The following ADCY9 variants were observed in gnomAD, a reference collection of about 807,000 sequenced individuals.
ADCY9 encodes the protein adenylate cyclase type 9.
A neutral mutation model predicts 101.5 loss-of-function variants in ADCY9; 50 were observed. That is an observed-to-expected ratio of 0.49 (90% CI 0.39 to 0.62). The LOEUF (loss-of-function observed/expected upper bound fraction) is 0.62, where lower values mean the gene tolerates loss of function less well. Ranked by LOEUF, ADCY9 falls within the 20% of genes least tolerant of loss-of-function variation. The pLI is 0.00. For synonymous variants in ADCY9, 905 were observed against 769.3 expected, an observed-to-expected ratio of 1.18 and a Z score of -2.92; for missense variants, 1,662 against 1,800.4, an observed-to-expected ratio of 0.92 and a Z score of 1.39.
chr16:3,972,708 C>T (rs1022149130), intron 10 of ADCY9, among the ~76,000 whole-genome samples: 2 of 152,138 alleles, frequency 1.3e-5, no homozygotes, highest in African/African-American at 4.8e-5. Flanking sequence ...CTTCGGTTGA[C>T]ACTTTGGTAT....
intron 3 of ADCY9, among the ~76,000 whole-genome samples, chr16:3,996,179 AG>A: frequency 6.6e-6 from 1 of 152,248 alleles, no homozygotes; most frequent in East Asian, 1.9e-4. Context: ...TGGGCAACAT[AG>A]GGAGACCTTG....
At chr16:4,097,541 ATATATATATATATTTTTTT>A in intron 2 of ADCY9, among the ~76,000 whole-genome samples, 1 of 48,200 alleles carries the variant, frequency 2.1e-5, no homozygotes, top group African/African-American at 1.2e-4. Flanking sequence ...ATATATATAT[ATATATATATATATTTTTTT>A]TTTTTTTTTT....
At chr16:3,959,041 C>T (rs967383693), downstream of ADCY9, among the ~76,000 whole-genome samples, 9 of 151,928 alleles carry the variant, frequency 5.9e-5, no homozygotes, top group Non-Finnish European at 1.0e-4. Flanking sequence ...ATCTTGCATG[C>T]GTTAGGGTTG....
chr16:4,011,625 C>T (rs554341342), intron 2 of ADCY9, among the ~76,000 whole-genome samples: 111 of 152,330 alleles, frequency 7.3e-4, no homozygotes, highest in South Asian at 1.0e-3. Context: ...GGTCCAGGTC[C>T]GCCCCCTAAT....
intron 2 of ADCY9, among the ~76,000 whole-genome samples, chr16:4,037,821 G>A (rs1286531133): frequency 2.0e-5 from 3 of 152,240 alleles, no homozygotes; most frequent in African/African-American, 7.2e-5. Flanking sequence ...GGGTTAAGGA[G>A]GAGCATCAGA....
At chr16:3,970,024 T>C (rs1488736928) in intron 10 of ADCY9, among the ~76,000 whole-genome samples, 1 of 152,210 alleles carries the variant, frequency 6.6e-6, no homozygotes, top group African/African-American at 2.4e-5. Context: ...CTAGTCTTTT[T>C]CTTTTTTACA....
chr16:3,977,127 A>G (rs1236994886), intron 9 of ADCY9, among the ~76,000 whole-genome samples: 1 of 152,136 alleles, frequency 6.6e-6, no homozygotes, highest in Non-Finnish European at 1.5e-5. Flanking sequence ...CCGCTCTTTC[A>G]TGGCCTTGAC....
At chr16:4,032,984 C>T (rs1374720134) in intron 2 of ADCY9, 1 of 152,306 alleles carries the variant, frequency 6.6e-6, no homozygotes, top group East Asian at 1.9e-4. Context: ...TCACCCGCCC[C>T]ACCACGTGGC....
intron 2 of ADCY9, among the ~76,000 whole-genome samples, chr16:4,027,643 G>A (rs751006682): frequency 6.6e-5 from 10 of 152,122 alleles, no homozygotes; most frequent in South Asian, 2.1e-4. Flanking sequence ...GTGGGAGGCC[G>A]AGGTGGGCAT....
intron 2 of ADCY9, among the ~76,000 whole-genome samples, chr16:4,054,739 T>C (rs1349559778): frequency 6.6e-6 from 1 of 151,936 alleles, no homozygotes; most frequent in Non-Finnish European, 1.5e-5. Flanking sequence ...CCCGGCTAAT[T>C]TTGTATTGTT....
chr16:3,966,885 G>A lies in ADCY9; in HGVS notation c.2952C>T (p.Leu984=), dbSNP rs376833773. 449 of 1,614,106 alleles carry A rather than the reference G, an allele frequency of 2.8e-4. 5 individuals carry two copies. The South Asian group carries it at 4.3e-3, about 15-fold the overall frequency. The change falls in exon 11 of 11, where the codon CTC becomes CTT. Residue 984 remains leucine, a synonymous_variant. Coordinates refer to ENST00000294016, the MANE Select transcript of ADCY9 (RefSeq NM_001116.4). ...PASLIGQEVV[L]VFFLLLLLVW... Reference sequence around the variant, plus strand: ...CCAACAAGAGCAGGAGAAAGAAGACGAGAACCACCTCCTGGCCGATGAGGC... The same window carrying A: ...CCAACAAGAGCAGGAGAAAGAAGACAAGAACCACCTCCTGGCCGATGAGGC...
At chr16:4,001,761 T>A (rs1482371370) in intron 3 of ADCY9, among the ~76,000 whole-genome samples, 8 of 150,820 alleles carry the variant, frequency 5.3e-5, no homozygotes, top group Non-Finnish European at 8.9e-5. Context: ...TATTGTTTTT[T>A]TTTTTTGAGA....
In ADCY9 at chr16:3,992,056, G is replaced by A. The variant is rs1051014879; in HGVS notation, c.2207+90C>T. The A allele has an allele frequency of 2.3e-6, 3 of 1,321,754 alleles. No homozygotes were observed. The highest frequency in any genetic ancestry group is 3.2e-6 in the Non-Finnish European group (3 of 947,534). The allele number at this position is 1,321,754 out of a possible 1,614,324, so 81.9% of individuals were successfully genotyped here. On this transcript the variant is annotated intron_variant, in intron 5 of 10. Coordinates refer to ENST00000294016, the MANE Select transcript of ADCY9 (RefSeq NM_001116.4). The surrounding 1 kb of genome is among the most constrained non-coding windows in gnomAD (Gnocchi z 4.2). ...ACTGCACTGCAGCCTGGATGACAGA[G>A]CGAGACTCAGTCTTAAAGAAAAGAA...
In ADCY9 at chr16:3,979,196, A is replaced by G. The variant is rs2056119186; in HGVS notation, c.2599T>C (p.Cys867Arg). The change falls in exon 8 of 11, where the codon TGC becomes CGC. Residue 867 changes from cysteine to arginine, a missense_variant. Physicochemically the swap from Cys to Arg is radical, Grantham distance 180. Around this residue, in one of 5 missense-constraint regions of ADCY9, gnomAD observed 624 missense variants for 639.1 expected, o/e 0.98. Coordinates refer to ENST00000294016, the MANE Select transcript of ADCY9 (RefSeq NM_001116.4). ...EWIAGWLPRH[C>R]IGAILVSLPA... is the part of the protein sequence containing the mutation. Reference sequence around the variant, plus strand: ...AGCGACACCAGGATGGCCCCGATGCAGTGACGTGGTAGCCAGCCGGCGATC... The same window carrying G: ...AGCGACACCAGGATGGCCCCGATGCGGTGACGTGGTAGCCAGCCGGCGATC... 1 of 1,614,050 alleles carries G rather than the reference A, an allele frequency of 6.2e-7. No individual in the cohort carries two copies.
chr16:4,030,851 T>C (rs1412705896), intron 2 of ADCY9, among the ~76,000 whole-genome samples: 1 of 152,214 alleles, frequency 6.6e-6, no homozygotes. Flanking sequence ...GGGAGGCTTC[T>C]GGGATATTCT....
At chr16:4,052,030 C>T (rs1017829837) in intron 2 of ADCY9, among the ~76,000 whole-genome samples, 6 of 152,168 alleles carry the variant, frequency 3.9e-5, no homozygotes, top group Admixed American at 1.3e-4. Context: ...GTTAACTTCT[C>T]CAGAAATGGG....
At chr16:3,954,791 C>G (rs116460420) in intron 5 of ADCY9, among the ~76,000 whole-genome samples, 2,700 of 152,244 alleles carry the variant, frequency 0.018, 72 homozygotes, top group African/African-American at 0.061. Context: ...ACTGTGGACA[C>G]AGATGGGGAG....
At chr16:4,002,490 C>T (rs912530786) in intron 3 of ADCY9, among the ~76,000 whole-genome samples, 3 of 152,190 alleles carry the variant, frequency 2.0e-5, no homozygotes, top group Admixed American at 6.5e-5. Flanking sequence ...TCTGAATCAT[C>T]CCCGTATGGG....
chr16:4,099,212 C>T (rs541688883), intron 2 of ADCY9, among the ~76,000 whole-genome samples: 7 of 152,244 alleles, frequency 4.6e-5, no homozygotes, highest in African/African-American at 7.2e-5. Flanking sequence ...GGATTACAGA[C>T]GTGAACCACC....
Sources: allele counts gnomAD v4.1 joint callset (sites outside exome capture counted in the v4.1 genomes callset), GRCh38; gene constraint gnomAD v4.1.1; regional missense constraint gnomAD v4.1.1; non-coding constraint Gnocchi (gnomAD v3.1); transcripts MANE v1.5; gene names NCBI Gene and HGNC (gene_info 2026-07-23, HGNC 2026-07-21).